SH2D5: variants seen among roughly 807,000 people sequenced by gnomAD.
SH2D5 encodes the protein SH2 domain containing 5.
In SH2D5, 45 loss-of-function variants were observed where a neutral mutation model predicts 48.2. The observed-to-expected ratio is 0.93, with a 90% CI of 0.73 to 1.20. SH2D5 has a LOEUF of 1.20. Ranked by LOEUF, SH2D5 falls within the 50% of genes most tolerant of loss-of-function variation. The probability of loss-of-function intolerance (pLI) is 0.00; values close to 1 mark genes in which losing one functional copy is unlikely to be tolerated. For missense variants in SH2D5, 538 were observed against 584.1 expected, an observed-to-expected ratio of 0.92 and a Z score of 0.81; for synonymous variants, 230 against 249.8, an observed-to-expected ratio of 0.92 and a Z score of 0.75.
intron 8 of SH2D5, 41 bp downstream of exon 8, chr1:20,723,585 C>T: frequency 6.6e-7 from 1 of 1,504,634 alleles, no homozygotes. Context: ...CTCTGCCCAC[C>T]CCAAGGGACT....
Position 20,721,929 on chromosome 1 carries a change from GGCTA to G in SH2D5, c.1131_1134del (p.Leu379SerfsTer9). 1 of 1,613,200 alleles carries G rather than the reference GGCTA, an allele frequency of 6.2e-7. No homozygotes were observed. Among genetic ancestry groups the G allele is most frequent in the Non-Finnish European group, 8.5e-7 (1 of 1,180,004 alleles). On this transcript the variant is annotated frameshift_variant, in exon 10 of 10. Transcript: ENST00000444387. LOFTEE classifies it high-confidence loss of function. Reference sequence around the variant, plus strand: ...CGGCCCATGTCGAGGGGACAGAAGAGGCTACGTTCAGTAACCGCGTGGTTCTCCA... The same window carrying G: ...CGGCCCATGTCGAGGGGACAGAAGAGCGTTCAGTAACCGCGTGGTTCTCCA...
Position 20,722,874 on chromosome 1 carries a change from G to T in SH2D5, c.950C>A (p.Ala317Asp). The T allele has an allele frequency of 6.2e-7, 1 of 1,605,420 alleles. No individual in the cohort carries two copies. The highest frequency in any genetic ancestry group is 8.5e-7 in the Non-Finnish European group (1 of 1,176,406). Residue 317 changes from alanine (A) to aspartate (D), a missense_variant, in exon 9 of 10, where the codon GCC (alanine) becomes GAC (aspartate). Ala to Asp is a moderately radical substitution (Grantham distance 126, BLOSUM62 -2). Coordinates refer to ENST00000444387, the MANE Select transcript of SH2D5 (RefSeq NM_001103161.2). ...ACCCAGCTCAGGCCACAGCAGGAAG[G>T]CCCCCAGCACGTCTCTCCGCAACAG... ...LALLRRDVLG[A>D]FLLWPELGAS...
chr1:20,725,960 T>C lies in SH2D5; in HGVS notation c.350A>G (p.Lys117Arg). Residue 117 changes from lysine to arginine, a missense_variant, in exon 5 of 10, where the codon AAG becomes AGG. Lys to Arg is a conservative substitution (Grantham distance 26, BLOSUM62 2). Coordinates refer to ENST00000444387, the MANE Select transcript of SH2D5 (RefSeq NM_001103161.2). ...MARNPRSPAS[K>R]LFCHLFVGSQ... ...GCCCACAAAGAGGTGGCAGAAGAGC[T>C]TGCTGGCTGGGCTCCGTGGGTTTCG... 2 of 1,613,446 alleles carry C rather than the reference T, an allele frequency of 1.2e-6. No individual in the cohort carries two copies. Among genetic ancestry groups the C allele is most frequent in the Non-Finnish European group, 1.7e-6 (2 of 1,179,996 alleles).
chr1:20,723,038 G>A lies in SH2D5; in HGVS notation c.909-123C>T, dbSNP rs771869689. 3.7e-5 allele frequency: 34 copies of A among 931,316 alleles called. 1 individual carries two copies. The Admixed American group carries it at 3.9e-4, about 11-fold the overall frequency. 57.7% of individuals were successfully genotyped at this position (931,316 alleles called of 1,614,324 possible). ...CCCTTAAACACACGGTGCGTTGGCC[G>A]GGCTCAGTGGCTCATGCCTGTAATC... On this transcript the variant is annotated intron_variant, in intron 8 of 9. Transcript: ENST00000444387.
At chr1:20,730,096 A>T (rs2054877480) in intron 1 of SH2D5, among the ~76,000 whole-genome samples, 1 of 151,936 alleles carries the variant, frequency 6.6e-6, no homozygotes, top group Non-Finnish European at 1.5e-5. Flanking sequence ...TCACAGTCAC[A>T]TCCTGGGGCC....
Position 20,728,166 on chromosome 1 carries a change from G to C in SH2D5, c.-42-80C>G, listed in dbSNP as rs869296627. ...CCCCCCACAGGCCATTCATTCACTG[G>C]CTTCCTGAGCAGCTGCTATGTGTGC... is the stretch of plus-strand genomic sequence containing the variant. On this transcript the variant is annotated intron_variant, in intron 1 of 9. Coordinates refer to ENST00000444387, the MANE Select transcript of SH2D5 (RefSeq NM_001103161.2). This position sits in a 1 kb window ranked among gnomAD's most constrained non-coding sequence, Gnocchi z 4.3. The C allele has an allele frequency of 5.9e-6, 4 of 676,728 alleles. No individual in the cohort carries two copies. The highest frequency in any genetic ancestry group is 1.0e-5 in the Non-Finnish European group (4 of 397,968). The allele number at this position is 676,728 out of a possible 1,614,324, so 41.9% of individuals were successfully genotyped here.
At chr1:20,722,629 T>C (rs2054708578) in intron 9 of SH2D5, 127 bp downstream of exon 9, 3 of 1,001,036 alleles carry the variant, frequency 3.0e-6, no homozygotes, top group Non-Finnish European at 4.2e-6. Context: ...GGAGAGCCAA[T>C]GGGAGACAGG....
At chr1:20,726,582 C>G (rs2054803478) in intron 4 of SH2D5, among the ~76,000 whole-genome samples, 1 of 152,086 alleles carries the variant, frequency 6.6e-6, no homozygotes, top group Non-Finnish European at 1.5e-5. Flanking sequence ...CAATCAGTGT[C>G]CGCCCCACGC....
intron 2 of SH2D5, 38 bp from the exon 3 acceptor site, chr1:20,727,641 T>G (rs1350969939): frequency 1.3e-6 from 2 of 1,553,560 alleles, no homozygotes; most frequent in African/African-American, 1.4e-5. Flanking sequence ...AGGCGGGGAG[T>G]CAGGCCCGTG....
In SH2D5 at chr1:20,722,879, C is replaced by T. The variant is rs753377337; in HGVS notation, c.945G>A (p.Leu315=). The T allele has an allele frequency of 8.1e-6, 13 of 1,604,362 alleles. No individual in the cohort carries two copies. The Admixed American group carries it at 1.0e-4, about 13-fold the overall frequency. ...CALALLRRDV[L]GAFLLWPELG... ...GCTCAGGCCACAGCAGGAAGGCCCC[C>T]AGCACGTCTCTCCGCAACAGGGCCA... The change falls in exon 9 of 10, where the codon CTG becomes CTA. Residue 315 remains leucine, a synonymous_variant. Transcript: ENST00000444387.
chr1:20,727,778 A>G (rs2054830734), intron 2 of SH2D5, among the ~76,000 whole-genome samples, 175 bp from the exon 3 acceptor site: 1 of 152,232 alleles, frequency 6.6e-6, no homozygotes, highest in South Asian at 2.1e-4. Flanking sequence ...GACCTTGGTC[A>G]GGTCACTGAA....
intron 8 of SH2D5, among the ~76,000 whole-genome samples, 178 bp downstream of exon 8, chr1:20,723,448 C>T (rs1461406925): frequency 6.6e-6 from 1 of 152,192 alleles, no homozygotes; most frequent in Non-Finnish European, 1.5e-5. Flanking sequence ...CTTTCATTAA[C>T]CCCATTTTAC....
chr1:20,724,473 G>A lies in SH2D5; in HGVS notation c.553C>T (p.Arg185Cys), dbSNP rs370767886. The change falls in exon 6 of 10, where the codon CGT becomes TGT. Residue 185 changes from arginine to cysteine, a missense_variant. By Grantham distance (180) the Arg-to-Cys change is radical. Coordinates refer to ENST00000444387, the MANE Select transcript of SH2D5 (RefSeq NM_001103161.2). ...SGGLVREPFGRDQLSQNVHAL... is the reference protein window; with the variant it reads ...SGGLVREPFGCDQLSQNVHAL... The stretch of plus-strand genomic sequence containing the variant: ...TGGACGTTCTGAGAGAGCTGATCAC[G>A]GCCGAAGGGCTCCCGCACCAGGCCC... 10 of 1,612,744 alleles carry A rather than the reference G, an allele frequency of 6.2e-6. No individual in the cohort carries two copies. Among genetic ancestry groups the A allele is most frequent in the South Asian group, 1.1e-5 (1 of 91,076 alleles).
At position 20,723,659 on chromosome 1, in the gene SH2D5, G is replaced by A. The variant is rs368863175; in HGVS notation, c.875C>T (p.Thr292Met). 20 of 1,612,916 alleles carry A rather than the reference G, an allele frequency of 1.2e-5. No homozygotes were observed. The highest frequency in any genetic ancestry group is 2.2e-5 in the East Asian group (1 of 44,876). Residue 292 changes from threonine (T) to methionine (M), a missense_variant, in exon 8 of 10, where the codon ACG (threonine) becomes ATG (methionine). Transcript: ENST00000444387. ...GCCAGCGAAGGCCCAGATGTTCTCCGTCAGGCTGCCCTCGCTCTCCACCAG... is the reference window on the plus strand; with the variant it reads ...GCCAGCGAAGGCCCAGATGTTCTCCATCAGGCTGCCCTCGCTCTCCACCAG... ...SCLVESEGSL[T>M]ENIWAFAGIS...
In SH2D5 at chr1:20,724,239, CT is replaced by C. The variant is rs745894029; in HGVS notation, c.642del (p.Glu215SerfsTer30). 1.2e-6 allele frequency: 2 copies of C among 1,612,576 alleles called. No individual in the cohort carries two copies. Among genetic ancestry groups the C allele is most frequent in the African/African-American group, 2.7e-5 (2 of 74,948 alleles). On this transcript the variant is annotated frameshift_variant, in exon 7 of 10. Transcript: ENST00000444387. LOFTEE classifies it high-confidence loss of function. ...GCATGGCGGGCACGGCCTTCCGACT[CT>C]GGCAGCTCCTTCTAGGGCACCAAGA... is the stretch of plus-strand genomic sequence containing the variant. ...EGLVGSGKEL[P>X]ESEGRARHAR... is the part of the protein sequence containing the mutation.
rs751002858 is a variant in SH2D5, at chr1:20,722,842, C to T, written c.982G>A (p.Gly328Ser). The T allele has an allele frequency of 8.7e-6, 14 of 1,604,208 alleles. No individual in the cohort carries two copies. Among genetic ancestry groups the T allele is most frequent in the East Asian group, 2.3e-5 (1 of 44,416 alleles). The change falls in exon 9 of 10, where the codon GGC becomes AGC. Residue 328 changes from glycine to serine, a missense_variant. Coordinates refer to ENST00000444387, the MANE Select transcript of SH2D5 (RefSeq NM_001103161.2). The part of the protein sequence containing the change: ...FLLWPELGAS[G>S]QWCLSVRTQC... ...GTGCGCACGGACAGACACCACTGGC[C>T]GCTAGCACCCAGCTCAGGCCACAGC...
At chr1:20,725,241 A>G (rs2054772365) in intron 5 of SH2D5, among the ~76,000 whole-genome samples, 1 of 152,260 alleles carries the variant, frequency 6.6e-6, no homozygotes, top group South Asian at 2.1e-4. Flanking sequence ...CAGCTCAAGG[A>G]ACATGACTCA....
chr1:20,724,738 G>A (rs1399072246), intron 5 of SH2D5, 103 bp from the exon 6 acceptor site: 32 of 1,337,518 alleles, frequency 2.4e-5, no homozygotes, highest in Non-Finnish European at 3.1e-5. Context: ...GCAGCCCCTT[G>A]GCTTCGGAGG....
chr1:20,727,699 G>A (rs2054829057), intron 2 of SH2D5, 96 bp from the exon 3 acceptor site: 1 of 1,165,262 alleles, frequency 8.6e-7, no homozygotes, highest in Non-Finnish European at 1.2e-6. Context: ...CATCTGCTCT[G>A]CCAGGCGTGT....
Sources: allele counts gnomAD v4.1 joint callset (sites outside exome capture counted in the v4.1 genomes callset), GRCh38; gene constraint gnomAD v4.1.1; non-coding constraint Gnocchi (gnomAD v3.1); transcripts MANE v1.5; gene names NCBI Gene and HGNC (gene_info 2026-07-23, HGNC 2026-07-21).